Variants in OPCML observed in about 807,000 individuals in gnomAD.
The protein encoded by OPCML is opioid-binding protein/cell adhesion molecule.
In OPCML, 13 loss-of-function variants were observed where a neutral mutation model predicts 37.8. That is an observed-to-expected ratio of 0.34 (90% CI 0.22 to 0.55). OPCML has a LOEUF of 0.55. Among genes scored for constraint, OPCML ranks in the 20% least tolerant of loss-of-function variants. The pLI, the probability that OPCML is intolerant of heterozygous loss-of-function variation, is 0.91. For missense variants in OPCML, 341 were observed against 435.6 expected (o/e 0.78, Z 1.93); for synonymous variants, 176 against 168.8 (o/e 1.04, Z -0.33).
At chr11:132,972,494 A>G (rs1003847777) in intron 1 of OPCML, among the ~76,000 whole-genome samples, 20 of 152,324 alleles carry the variant, frequency 1.3e-4, no homozygotes, top group African/African-American at 4.8e-4. Context: ...TCAGGATGGA[A>G]AGCCCCATTA....
intron 1 of OPCML, among the ~76,000 whole-genome samples, chr11:133,100,429 A>G (rs147339477): frequency 4.4e-4 from 67 of 152,344 alleles, no homozygotes; most frequent in Non-Finnish European, 7.8e-4. Flanking sequence ...CCAGCAAGTT[A>G]TTTTGCAAAG....
chr11:132,578,776 T>C (rs1423183609), intron 3 of OPCML, among the ~76,000 whole-genome samples: 1 of 152,162 alleles, frequency 6.6e-6, no homozygotes, highest in Non-Finnish European at 1.5e-5. Context: ...TCTGACTCTA[T>C]CTTGAACACC....
intron 1 of OPCML, among the ~76,000 whole-genome samples, chr11:132,984,862 T>G (rs146615556): frequency 4.3e-4 from 65 of 152,296 alleles, no homozygotes; most frequent in Non-Finnish European, 7.6e-4. Context: ...TGCCGCCCGC[T>G]TCCTCTGCTT....
At chr11:132,784,576 G>A (rs554155092) in intron 2 of OPCML, among the ~76,000 whole-genome samples, 2 of 152,204 alleles carry the variant, frequency 1.3e-5, no homozygotes, top group African/African-American at 2.4e-5. Flanking sequence ...GATATGGTTC[G>A]AATGCTTTGT....
intron 1 of OPCML, among the ~76,000 whole-genome samples, chr11:133,225,971 T>A (rs1735788624): frequency 6.6e-6 from 1 of 152,132 alleles, no homozygotes; most frequent in Non-Finnish European, 1.5e-5. Flanking sequence ...ATGAAGCACG[T>A]ATTATTAGGA....
At chr11:132,462,740 A>G (rs2096106899) in intron 4 of OPCML, among the ~76,000 whole-genome samples, 1 of 152,220 alleles carries the variant, frequency 6.6e-6, no homozygotes, top group Non-Finnish European at 1.5e-5. Context: ...CATCTCTTAG[A>G]TAAACATGAA....
At chr11:132,753,604 A>C (rs1945918775) in intron 2 of OPCML, among the ~76,000 whole-genome samples, 1 of 152,120 alleles carries the variant, frequency 6.6e-6, no homozygotes. Flanking sequence ...GACAGATAAT[A>C]GACAGACTTA....
At chr11:132,740,901 C>A (rs1392739872) in intron 2 of OPCML, among the ~76,000 whole-genome samples, 1 of 152,050 alleles carries the variant, frequency 6.6e-6, no homozygotes, top group Non-Finnish European at 1.5e-5. Context: ...AGATGATATA[C>A]CAGGTATTTG....
chr11:132,558,986 A>G (rs1000220813), intron 3 of OPCML, among the ~76,000 whole-genome samples: 2 of 152,144 alleles, frequency 1.3e-5, no homozygotes, highest in African/African-American at 4.8e-5. Context: ...AATATTTTCA[A>G]CTATTTGATT....
chr11:133,057,360 G>A (rs1948259132), intron 1 of OPCML, among the ~76,000 whole-genome samples: 1 of 152,122 alleles, frequency 6.6e-6, no homozygotes, highest in Non-Finnish European at 1.5e-5. Flanking sequence ...TGGATTTGGT[G>A]CCCACTCCCT....
intron 1 of OPCML, among the ~76,000 whole-genome samples, chr11:133,428,746 G>T (rs564956888): frequency 6.6e-6 from 1 of 152,166 alleles, no homozygotes; most frequent in Admixed American, 6.5e-5. Flanking sequence ...ATGATATAAA[G>T]ATATTAATTC....
intron 2 of OPCML, among the ~76,000 whole-genome samples, chr11:132,800,150 G>A (rs1313393510): frequency 6.6e-6 from 1 of 151,938 alleles, no homozygotes; most frequent in Admixed American, 6.6e-5. Flanking sequence ...CTTTTATTGT[G>A]TTTATTACTA....
In OPCML at chr11:132,638,858, A is replaced by C. The variant is rs113613855; in HGVS notation, c.379+18229T>G. Among the ~76,000 whole-genome samples the C allele has an allele frequency of 8.3e-3, 1,269 of 152,278 alleles. 24 individuals are homozygous for C. Among genetic ancestry groups the C allele is most frequent in the African/African-American group, 0.029 (1,214 of 41,552 alleles). On this transcript the variant is annotated intron_variant, in intron 3 of 7. Transcript: ENST00000524381. ...AACCTCTAAGCCTTTAGGAAGACTG[A>C]TTTGAGTAATATCTCCAGTTCTTTG...
At chr11:133,335,535 T>C (rs1261584478) in intron 1 of OPCML, among the ~76,000 whole-genome samples, 1 of 151,488 alleles carries the variant, frequency 6.6e-6, no homozygotes, top group Non-Finnish European at 1.5e-5. Context: ...TGATATTACA[T>C]AGATTAAAGG....
chr11:133,505,275 G>A (rs1440801574), intron 1 of OPCML, among the ~76,000 whole-genome samples: 1 of 152,222 alleles, frequency 6.6e-6, no homozygotes, highest in Non-Finnish European at 1.5e-5. Context: ...GGAGAGAAGG[G>A]GGCCGGAGGC....
At chr11:132,679,968 A>T (rs1263680520) in intron 2 of OPCML, among the ~76,000 whole-genome samples, 2 of 152,192 alleles carry the variant, frequency 1.3e-5, no homozygotes, top group African/African-American at 4.8e-5. Context: ...TTTTTAGTAG[A>T]TGCAAGAGTA....
At chr11:132,490,190 C>T (rs2096211442) in intron 4 of OPCML, among the ~76,000 whole-genome samples, 1 of 151,838 alleles carries the variant, frequency 6.6e-6, no homozygotes, top group Non-Finnish European at 1.5e-5. Context: ...GCCCTCTTCT[C>T]ACCTCTCTTG....
chr11:132,691,489 G>T (rs547538900), intron 2 of OPCML, among the ~76,000 whole-genome samples: 15 of 152,308 alleles, frequency 9.8e-5, no homozygotes, highest in Admixed American at 6.5e-4. Context: ...TTCCCAGTAG[G>T]GTAGCCTCTG....
intron 1 of OPCML, among the ~76,000 whole-genome samples, chr11:133,090,714 A>G (rs2137051161): frequency 6.6e-6 from 1 of 152,340 alleles, no homozygotes; most frequent in South Asian, 2.1e-4. Flanking sequence ...CTGACAGCTT[A>G]TATGAAAATA....
Sources: gnomAD v4.1 joint callset for allele counts (sites outside exome capture counted in the v4.1 genomes callset) on GRCh38, gnomAD v4.1.1 for gene constraint, MANE v1.5 for transcripts, NCBI Gene and HGNC (gene_info 2026-07-23, HGNC 2026-07-21) for gene names.